CTNND2: variants seen among roughly 807,000 people sequenced by gnomAD.
CTNND2 encodes catenin delta 2, also known as catenin delta-2.
In CTNND2, 22 loss-of-function variants were observed where a neutral mutation model predicts 144.4. The observed-to-expected ratio is 0.15, with a 90% CI of 0.11 to 0.22. The LOEUF (loss-of-function observed/expected upper bound fraction) is 0.22, where lower values mean the gene tolerates loss of function less well. Among genes scored for constraint, CTNND2 ranks in the 10% least tolerant of loss-of-function variants. CTNND2 has a pLI of 1.00. For synonymous variants in CTNND2, 751 were observed against 695.6 expected, an observed-to-expected ratio of 1.08 and a Z score of -1.25; for missense variants, 1,353 against 1,618.8, an observed-to-expected ratio of 0.84 and a Z score of 2.82.
chr5:11,102,559 C>T (rs186994969), intron 14 of CTNND2, among the ~76,000 whole-genome samples: 5 of 152,308 alleles, frequency 3.3e-5, no homozygotes, highest in Middle Eastern at 6.8e-3. Context: ...TGTATCAGCA[C>T]TTTTCTTTAC....
intron 2 of CTNND2, among the ~76,000 whole-genome samples, chr5:11,699,195 G>T (rs1785294617): frequency 6.6e-6 from 1 of 152,082 alleles, no homozygotes; most frequent in Non-Finnish European, 1.5e-5. Flanking sequence ...TAAGCACTGG[G>T]ACAAATGGTC....
At chr5:11,413,456 A>G (rs1561356335) in intron 3 of CTNND2, among the ~76,000 whole-genome samples, 1 of 152,232 alleles carries the variant, frequency 6.6e-6, no homozygotes, top group South Asian at 2.1e-4. Flanking sequence ...TCTATGGATC[A>G]TTACTTTTCA....
intron 9 of CTNND2, among the ~76,000 whole-genome samples, chr5:11,344,607 A>T (rs1164092384): frequency 1.3e-5 from 2 of 151,842 alleles, no homozygotes; most frequent in African/African-American, 4.8e-5. Flanking sequence ...GCTCAGGATG[A>T]ACTTATAATT....
intron 2 of CTNND2, among the ~76,000 whole-genome samples, chr5:11,688,273 C>T (rs916899952): frequency 6.6e-6 from 1 of 152,152 alleles, no homozygotes; most frequent in East Asian, 1.9e-4. Context: ...AGCAGTCCCC[C>T]ACCTGAACTC....
At chr5:10,997,316 A>C (rs1465360218) in intron 18 of CTNND2, among the ~76,000 whole-genome samples, 2 of 152,280 alleles carry the variant, frequency 1.3e-5, no homozygotes, top group African/African-American at 4.8e-5. Context: ...TTTTTAGGCC[A>C]GGAGCGGTGG....
intron 3 of CTNND2, among the ~76,000 whole-genome samples, chr5:11,449,843 G>A (rs748032755): frequency 6.6e-5 from 10 of 152,108 alleles, no homozygotes; most frequent in Non-Finnish European, 1.5e-4. Context: ...ATCTACTGCC[G>A]TGGCTGGCAC....
chr5:11,190,572 CCTT>C (rs1465928496), intron 11 of CTNND2, among the ~76,000 whole-genome samples: 2 of 152,170 alleles, frequency 1.3e-5, no homozygotes, highest in Non-Finnish European at 1.5e-5. Flanking sequence ...GACAATGTGG[CCTT>C]CTTCTTTATT....
At chr5:11,047,830 G>C (rs968345526) in intron 16 of CTNND2, among the ~76,000 whole-genome samples, 1 of 152,144 alleles carries the variant, frequency 6.6e-6, no homozygotes, top group African/African-American at 2.4e-5. Context: ...GAGCTGCTGT[G>C]TTCCTAGCAG....
At chr5:11,222,735 G>A (rs891240667) in intron 10 of CTNND2, among the ~76,000 whole-genome samples, 3 of 152,172 alleles carry the variant, frequency 2.0e-5, no homozygotes, top group African/African-American at 7.2e-5. Flanking sequence ...GAGTTCAGGA[G>A]GTCAAGGCTG....
At chr5:11,591,933 A>G (rs992616334) in intron 2 of CTNND2, among the ~76,000 whole-genome samples, 3 of 152,106 alleles carry the variant, frequency 2.0e-5, no homozygotes, top group African/African-American at 7.2e-5. Context: ...TAAGTATGAA[A>G]AAAAGTGAAG....
chr5:11,832,404 C>G (rs2126964913), intron 1 of CTNND2, among the ~76,000 whole-genome samples: 1 of 152,106 alleles, frequency 6.6e-6, no homozygotes, highest in South Asian at 2.1e-4. Context: ...TAATAAAAGA[C>G]TTGTATCCAG....
At chr5:11,305,326 C>T (rs1201908079) in intron 9 of CTNND2, among the ~76,000 whole-genome samples, 1 of 152,180 alleles carries the variant, frequency 6.6e-6, no homozygotes, top group East Asian at 1.9e-4. Context: ...GGCTCCCAAT[C>T]CTGGCTTCTA....
At chr5:11,187,748 C>A (rs1735790195) in intron 11 of CTNND2, among the ~76,000 whole-genome samples, 1 of 152,050 alleles carries the variant, frequency 6.6e-6, no homozygotes, top group Admixed American at 6.6e-5. Flanking sequence ...AATACTTAAA[C>A]ACATTTATAA....
intron 18 of CTNND2, among the ~76,000 whole-genome samples, chr5:10,994,551 A>AG (rs1447370583): frequency 6.6e-6 from 1 of 152,012 alleles, no homozygotes; most frequent in East Asian, 1.9e-4. Context: ...GAGTGGGGTC[A>AG]GGGAGGTGCT....
chr5:11,626,537 T>C (rs1476061260), intron 2 of CTNND2, among the ~76,000 whole-genome samples: 3 of 152,178 alleles, frequency 2.0e-5, no homozygotes, highest in Non-Finnish European at 4.4e-5. Flanking sequence ...TCAGAGTGTT[T>C]AAGTCACTTA....
intron 15 of CTNND2, among the ~76,000 whole-genome samples, chr5:11,092,493 A>G (rs1750873084): frequency 6.6e-6 from 1 of 152,190 alleles, no homozygotes; most frequent in South Asian, 2.1e-4. Flanking sequence ...CGGGTCTTGC[A>G]GGGAAGAAAT....
intron 9 of CTNND2, among the ~76,000 whole-genome samples, chr5:11,315,591 T>C (rs930911963): frequency 6.6e-6 from 1 of 152,302 alleles, no homozygotes; most frequent in African/African-American, 2.4e-5. Context: ...AACTGAGGGA[T>C]CAATTTGGTT....
At chr5:11,109,524 C>T (rs189075939) in intron 14 of CTNND2, among the ~76,000 whole-genome samples, 28 of 152,128 alleles carry the variant, frequency 1.8e-4, no homozygotes, top group African/African-American at 6.0e-4. Context: ...GTTCTAGAGG[C>T]CATCATTAAA....
At chr5:11,731,347 C>A (rs928345602) in intron 2 of CTNND2, among the ~76,000 whole-genome samples, 1 of 152,186 alleles carries the variant, frequency 6.6e-6, no homozygotes, top group Non-Finnish European at 1.5e-5. Flanking sequence ...ATTTTAGGCT[C>A]TCGCTCTGCT....
Sources: allele counts gnomAD v4.1 joint callset (sites outside exome capture counted in the v4.1 genomes callset), GRCh38; gene constraint gnomAD v4.1.1; transcripts MANE v1.5; gene names NCBI Gene and HGNC (gene_info 2026-07-23, HGNC 2026-07-21).